Variants in BRCA1 observed in about 807,000 individuals in gnomAD.
The protein encoded by BRCA1 is BRCA1 DNA repair associated.
A neutral mutation model predicts 173.7 loss-of-function variants in BRCA1; 140 were observed. That is an observed-to-expected ratio of 0.81 (90% confidence interval 0.70 to 0.93). BRCA1 has a LOEUF of 0.93. Among genes scored for constraint, BRCA1 ranks in the 40% least tolerant of loss-of-function variants. BRCA1 has a pLI of 0.00. For missense variants in BRCA1, 1,983 were observed against 2,172.5 expected, an observed-to-expected ratio of 0.91 and a Z score of 1.73; for synonymous variants, 662 against 756.0, an observed-to-expected ratio of 0.88 and a Z score of 2.04.
intron 1 of BRCA1, chr17:43,167,664 G>C (rs550184083): frequency 6.6e-6 from 1 of 152,026 alleles, no homozygotes; most frequent in African/African-American, 2.4e-5. Flanking sequence ...CAGAAATTGG[G>C]CATAAGACAA....
chr17:43,158,405 G>A (rs898715888), intron 1 of BRCA1, among the ~76,000 whole-genome samples: 2 of 152,094 alleles, frequency 1.3e-5, no homozygotes, highest in African/African-American at 4.8e-5. Flanking sequence ...AATGTTGAAG[G>A]GCAAGGGAGA....
intron 18 of BRCA1, among the ~76,000 whole-genome samples, chr17:43,060,335 C>T (rs572954469): frequency 6.6e-6 from 1 of 152,184 alleles, no homozygotes; most frequent in African/African-American, 2.4e-5. Context: ...AGCCACCACA[C>T]CCAGCCGTGC....
rs2236763 is a variant in BRCA1 at position 43,074,016 on chromosome 17, T to G, written c.4675+315A>C. Among the ~76,000 whole-genome samples the G allele has an allele frequency of 2.8e-4, 42 of 152,218 alleles. No individual in the cohort carries two copies. The East Asian group carries it at 7.9e-3, about 29-fold the overall frequency. On this transcript the variant is annotated intron_variant, in intron 14 of 22. Transcript: ENST00000357654. Reference sequence around the variant, plus strand: ...AGCTGATCCACCTGCCTCGGCCTCCTGGAGTACTGGGATTACAGGCGTGAG... The same window carrying G: ...AGCTGATCCACCTGCCTCGGCCTCCGGGAGTACTGGGATTACAGGCGTGAG...
chr17:43,124,242 A>AGAACTAATG, intron 1 of BRCA1, 127 bp from the exon 2 acceptor site: 1 of 614,246 alleles, frequency 1.6e-6, no homozygotes, highest in Non-Finnish European at 2.8e-6. Flanking sequence ...TACAAACCAA[A>AGAACTAATG]GAACTAATGA....
intron 15 of BRCA1, among the ~76,000 whole-genome samples, chr17:43,070,675 A>T (rs2052340519): frequency 6.6e-6 from 1 of 152,234 alleles, no homozygotes; most frequent in South Asian, 2.1e-4. Flanking sequence ...GTCCTATATC[A>T]TACCCAAAGT....
At chr17:43,118,091 G>T (rs1289725999) in intron 2 of BRCA1, among the ~76,000 whole-genome samples, 2 of 151,902 alleles carry the variant, frequency 1.3e-5, no homozygotes, top group African/African-American at 4.8e-5. Flanking sequence ...GTACATGGGG[G>T]GAGTCAGGAA....
intron 9 of BRCA1, among the ~76,000 whole-genome samples, chr17:43,095,239 A>G (rs529293202): frequency 1.3e-5 from 2 of 152,290 alleles, no homozygotes; most frequent in East Asian, 1.9e-4. Context: ...ACCACTCCCT[A>G]TATTTAAAAA....
Position 43,115,793 on chromosome 17 carries a change from G to C in BRCA1, c.81-14C>G, listed in dbSNP as rs80358006. ...ATCAACTCCAGACTAGCAGGGTAGGGGGGGAGAAAAAGAAAATAAATGAGG... is the reference window on the plus strand; with the variant it reads ...ATCAACTCCAGACTAGCAGGGTAGGCGGGGAGAAAAAGAAAATAAATGAGG... On this transcript the variant is annotated splice_polypyrimidine_tract_variant and intron_variant, in intron 2 of 22. Transcript: ENST00000357654. 11 of 1,610,524 alleles carry C rather than the reference G, an allele frequency of 6.8e-6. No individual in the cohort carries two copies. The highest frequency in any genetic ancestry group is 1.6e-4 in the Middle Eastern group (1 of 6,074).
At chr17:43,082,305 T>C in intron 12 of BRCA1, 99 bp downstream of exon 12, 1 of 1,289,662 alleles carries the variant, frequency 7.8e-7, no homozygotes, top group Non-Finnish European at 1.1e-6. Context: ...TGAGCAAGGA[T>C]CATAAAATGT....
At position 43,100,595 on chromosome 17, in the gene BRCA1, TTATATATATATA is replaced by T. The variant is rs2054363931; in HGVS notation, c.442-727_442-716del. Among the ~76,000 whole-genome samples, 3 of 61,990 alleles carry T rather than the reference TTATATATATATA, an allele frequency of 4.8e-5. 1 individual carries two copies. The highest frequency in any genetic ancestry group is 2.4e-4 in the African/African-American group (3 of 12,458). 40.7% of individuals were successfully genotyped at this position (61,990 alleles called of 152,430 possible). On this transcript the variant is annotated intron_variant, in intron 6 of 22. Transcript: ENST00000357654. Reference sequence around the variant, plus strand: ...ATAACATATATATAACATATATATATTATATATATATAACATATATATAACATATATATATGT... The same window carrying T: ...ATAACATATATATAACATATATATATACATATATATAACATATATATATGT...
chr17:43,057,113 T>C lies in BRCA1; in HGVS notation c.5216A>G (p.Asp1739Gly), dbSNP rs80357227. Reference protein sequence around the residue: ...LNEHDFEVRGDVVNGRNHQGP... With the variant: ...LNEHDFEVRGGVVNGRNHQGP... ...TTGGTGGTTTCTTCCATTGACCACA[T>C]CTCCTCTGACTTCAAAATCATGCTG... Residue 1739 changes from aspartate (D) to glycine (G), a missense_variant, in exon 19 of 23, where the codon GAT becomes GGT. Physicochemically the swap from Asp to Gly is moderately conservative, Grantham distance 94. Coordinates refer to ENST00000357654, the MANE Select transcript of BRCA1 (RefSeq NM_007294.4). 1 of 1,613,972 alleles carries C rather than the reference T, an allele frequency of 6.2e-7. No homozygotes were observed. The highest frequency in any genetic ancestry group is 8.5e-7 in the Non-Finnish European group (1 of 1,179,952).
chr17:43,109,102 G>A (rs2054928304), intron 3 of BRCA1, among the ~76,000 whole-genome samples: 1 of 151,860 alleles, frequency 6.6e-6, no homozygotes, highest in South Asian at 2.1e-4. Context: ...TCAAGTGATC[G>A]CCTGCTTCAG....
chr17:43,054,207 C>G (rs1378798262), intron 19 of BRCA1, among the ~76,000 whole-genome samples: 1 of 152,186 alleles, frequency 6.6e-6, no homozygotes, highest in Non-Finnish European at 1.5e-5. Context: ...AGAGGACTGG[C>G]TCACATGGCG....
chr17:43,130,495 T>G (rs896026196), intron 1 of BRCA1, among the ~76,000 whole-genome samples: 1 of 152,072 alleles, frequency 6.6e-6, no homozygotes, highest in African/African-American at 2.4e-5. Flanking sequence ...TGTATTTTTA[T>G]TAGAGACGAA....
At chr17:43,140,149 A>G (rs1229527167) in intron 1 of BRCA1, 2 of 325,252 alleles carry the variant, frequency 6.1e-6, no homozygotes, top group Admixed American at 8.2e-5. Context: ...CCTCCAGAAA[A>G]ATCCTTGAAA....
At chr17:43,143,407 G>C (rs2056093599) in intron 1 of BRCA1, among the ~76,000 whole-genome samples, 1 of 152,082 alleles carries the variant, frequency 6.6e-6, no homozygotes. Context: ...CCGATGGGCG[G>C]CTCACTTTGC....
chr17:43,126,826 G>A (rs1054975166), upstream of BRCA1, among the ~76,000 whole-genome samples: 1 of 152,178 alleles, frequency 6.6e-6, no homozygotes, highest in African/African-American at 2.4e-5. Context: ...CTCTGCTTGC[G>A]GGGAAGTGTG....
At chr17:43,153,145 A>C (rs1339047023) in intron 1 of BRCA1, among the ~76,000 whole-genome samples, 2 of 152,216 alleles carry the variant, frequency 1.3e-5, no homozygotes, top group African/African-American at 4.8e-5. Context: ...AGGTCACTCG[A>C]CCTGTAGAGT....
Position 43,071,181 on chromosome 17 carries a change from T to C in BRCA1, c.4733A>G (p.Asp1578Gly), listed in dbSNP as rs80356930. The C allele has an allele frequency of 6.2e-7, 1 of 1,614,170 alleles. No homozygotes were observed. Among genetic ancestry groups the C allele is most frequent in the Non-Finnish European group, 8.5e-7 (1 of 1,180,024 alleles). The change falls in exon 15 of 23, where the codon GAT (aspartate) becomes GGT (glycine). Residue 1578 changes from aspartate to glycine, a missense_variant. Asp to Gly is a moderately conservative substitution (Grantham distance 94). Coordinates refer to ENST00000357654, the MANE Select transcript of BRCA1 (RefSeq NM_007294.4). ...ISLFSDDPESDPSEDRAPESA... is the reference protein window; with the variant it reads ...ISLFSDDPESGPSEDRAPESA... ...CTCTGGGGCTCTGTCTTCAGAAGGATCAGATTCAGGGTCATCAGAGAAGAG... is the reference window on the plus strand; with the variant it reads ...CTCTGGGGCTCTGTCTTCAGAAGGACCAGATTCAGGGTCATCAGAGAAGAG...
Sources: allele counts gnomAD v4.1 joint callset (sites outside exome capture counted in the v4.1 genomes callset), GRCh38; gene constraint gnomAD v4.1.1; transcripts MANE v1.5; gene names NCBI Gene and HGNC (gene_info 2026-07-23, HGNC 2026-07-21).